The following PREX1 variants were observed in gnomAD, a reference collection of about 807,000 sequenced individuals.
The protein encoded by PREX1 is phosphatidylinositol-3,4,5-trisphosphate dependent Rac exchange factor 1.
Under a neutral mutation model 198.3 loss-of-function variants are expected in PREX1, and 41 were observed. That is an observed-to-expected ratio of 0.21 (90% CI 0.16 to 0.27). The LOEUF (loss-of-function observed/expected upper bound fraction) is 0.27, where lower values mean the gene tolerates loss of function less well. Among genes scored for constraint, PREX1 ranks in the 10% least tolerant of loss-of-function variants. The pLI, the probability that PREX1 is intolerant of heterozygous loss-of-function variation, is 1.00. For synonymous variants in PREX1, 843 were observed against 887.2 expected, an observed-to-expected ratio of 0.95 and a Z score of 0.89; for missense variants, 1,620 against 2,200.7, an observed-to-expected ratio of 0.74 and a Z score of 5.28.
chr20:48,788,850 T>G (rs564480475), intron 1 of PREX1, among the ~76,000 whole-genome samples: 1 of 152,220 alleles, frequency 6.6e-6, no homozygotes, highest in East Asian at 1.9e-4. Flanking sequence ...CCGGTGGCTT[T>G]GTAAGAAGAG....
intron 5 of PREX1, among the ~76,000 whole-genome samples, chr20:48,718,579 C>T (rs1275630605): frequency 1.3e-5 from 2 of 152,138 alleles, no homozygotes; most frequent in African/African-American, 2.4e-5. Context: ...GGACGAAACG[C>T]TCCTGTTAGA....
At chr20:48,773,266 CAAAAAAA>C (rs55740822) in intron 1 of PREX1, among the ~76,000 whole-genome samples, 15 of 65,880 alleles carry the variant, frequency 2.3e-4, no homozygotes, top group African/African-American at 5.4e-4. Flanking sequence ...GACTTGGTCT[CAAAAAAA>C]AAAAAAAAAA....
the PREX1 span, among the ~76,000 whole-genome samples, chr20:48,855,187 C>T: frequency 6.6e-6 from 1 of 152,138 alleles, no homozygotes; most frequent in African/African-American, 2.4e-5. Flanking sequence ...GCAGTTTGTC[C>T]ATATCATTCA....
chr20:48,802,359 A>C (rs1340583810), intron 1 of PREX1, among the ~76,000 whole-genome samples: 1 of 151,248 alleles, frequency 6.6e-6, no homozygotes, highest in Non-Finnish European at 1.5e-5. Flanking sequence ...TTCTCCCCTC[A>C]CTCACTCTAC....
At chr20:48,812,386 T>C (rs1392973955) in intron 1 of PREX1, among the ~76,000 whole-genome samples, 1 of 149,708 alleles carries the variant, frequency 6.7e-6, no homozygotes, top group Non-Finnish European at 1.5e-5. Context: ...GAGGAATGGG[T>C]AAATAATATA....
At chr20:48,672,576 C>G (rs767183735) in intron 14 of PREX1, among the ~76,000 whole-genome samples, 1 of 152,264 alleles carries the variant, frequency 6.6e-6, no homozygotes, top group African/African-American at 2.4e-5. Flanking sequence ...GGTGCGCCCA[C>G]GCGGCTTCCT....
At chr20:48,672,850 T>C (rs747781009) in intron 14 of PREX1, among the ~76,000 whole-genome samples, 5 of 152,150 alleles carry the variant, frequency 3.3e-5, no homozygotes, top group East Asian at 1.9e-4. Context: ...CTCCACCACA[T>C]TGCACCTAGC....
the PREX1 span, among the ~76,000 whole-genome samples, chr20:48,862,847 G>A: frequency 7.1e-6 from 1 of 139,906 alleles, no homozygotes; most frequent in African/African-American, 2.8e-5. Context: ...TTGGAGACAG[G>A]GCCTCACTGT....
At position 48,656,643 on chromosome 20, in the gene PREX1, G is replaced by A. The variant is rs141272775; in HGVS notation, c.2123+397C>T. On this transcript the variant is annotated intron_variant, in intron 18 of 39. Coordinates refer to ENST00000371941, the MANE Select transcript of PREX1 (RefSeq NM_020820.4). ...GGTCTTCACCCCGACTCGCAGTGAC[G>A]TCTCCCTGACAGCCATCCCTCTGCA... Among the ~76,000 whole-genome samples, 395 of 152,174 alleles carry A rather than the reference G, an allele frequency of 2.6e-3. 3 individuals are homozygous for A. The highest frequency in any genetic ancestry group is 9.0e-3 in the African/African-American group (374 of 41,498).
chr20:48,838,993 CAAAAAA>C, the PREX1 span, among the ~76,000 whole-genome samples: 1 of 23,036 alleles, frequency 4.3e-5, no homozygotes, highest in African/African-American at 1.7e-4. Flanking sequence ...GACTCTGTCT[CAAAAAA>C]AAAAAAAAAA....
intron 7 of PREX1, among the ~76,000 whole-genome samples, chr20:48,695,315 C>T (rs2089839801): frequency 6.6e-6 from 1 of 152,174 alleles, no homozygotes; most frequent in Non-Finnish European, 1.5e-5. Context: ...GTGAGTTACC[C>T]GTGCTGCTGG....
chr20:48,639,938 T>C (rs762906869), intron 29 of PREX1, 44 bp from the exon 30 acceptor site: 3 of 1,603,284 alleles, frequency 1.9e-6, no homozygotes, highest in African/African-American at 1.3e-5. Context: ...GGGACGGAGG[T>C]AGTGTTGGAG....
At chr20:48,859,703 G>C in the PREX1 span, among the ~76,000 whole-genome samples, 1 of 152,138 alleles carries the variant, frequency 6.6e-6, no homozygotes, top group Non-Finnish European at 1.5e-5. Context: ...CCACTTCTGG[G>C]TATATAACCA....
At chr20:48,723,140 A>G (rs972026516) in intron 5 of PREX1, among the ~76,000 whole-genome samples, 6 of 152,196 alleles carry the variant, frequency 3.9e-5, no homozygotes, top group African/African-American at 1.4e-4. Context: ...TGTTCCCAAA[A>G]AGGCTTTCAT....
intron 1 of PREX1, among the ~76,000 whole-genome samples, chr20:48,807,774 G>A (rs145276511): frequency 1.1e-3 from 166 of 152,238 alleles, no homozygotes; most frequent in African/African-American, 3.7e-3. Context: ...TACGTGTGAC[G>A]ACAGTAAGGG....
At chr20:48,874,864 T>C in the PREX1 span, among the ~76,000 whole-genome samples, 1 of 147,786 alleles carries the variant, frequency 6.8e-6, no homozygotes, top group Non-Finnish European at 1.5e-5. Context: ...GCAACGGGAG[T>C]GAAACTGTGT....
chr20:48,840,516 A>G, the PREX1 span, among the ~76,000 whole-genome samples: 1,370 of 152,266 alleles, frequency 9.0e-3, 9 homozygotes, highest in African/African-American at 0.03. Flanking sequence ...TGCCTGCGCC[A>G]TGGGGTTTGT....
chr20:48,718,061 C>G (rs2089970008), intron 5 of PREX1, among the ~76,000 whole-genome samples: 1 of 152,234 alleles, frequency 6.6e-6, no homozygotes, highest in Non-Finnish European at 1.5e-5. Flanking sequence ...TAGTCTGCCA[C>G]AGTTCCCACC....
chr20:48,873,090 T>C, the PREX1 span, among the ~76,000 whole-genome samples: 1 of 152,238 alleles, frequency 6.6e-6, no homozygotes, highest in African/African-American at 2.4e-5. Context: ...TGAGCTCAGC[T>C]GGGCCTCTGG....
Sources: allele counts gnomAD v4.1 joint callset (sites outside exome capture counted in the v4.1 genomes callset), GRCh38; gene constraint gnomAD v4.1.1; transcripts MANE v1.5; gene names NCBI Gene and HGNC (gene_info 2026-07-23, HGNC 2026-07-21).